The following KCNQ1OT1 variants were observed in gnomAD, a reference collection of about 807,000 sequenced individuals.
KCNQ1OT1 encodes KCNQ1 antisense RNA 2 (non-protein coding).
exon 1 of KCNQ1OT1, chr11:2,610,710 G>A (rs1848965329): frequency 1.1e-5 from 4 of 363,762 alleles, no homozygotes; most frequent in Non-Finnish European, 1.4e-5. Flanking sequence ...CAGTATTCTT[G>A]GTTGGCTTTT....
chr11:2,634,334 C>T (rs1423800161), exon 1 of KCNQ1OT1: 24 of 239,958 alleles, frequency 1.0e-4, no homozygotes, highest in Non-Finnish European at 1.6e-4. Context: ...CCCTCCCCCC[C>T]CACCCCACAA....
Position 2,620,216 on chromosome 11 carries a change from T to A in KCNQ1OT1, n.79779A>T, listed in dbSNP as rs1395464484. 174 of 277,798 alleles carry A rather than the reference T, an allele frequency of 6.3e-4. No individual in the cohort carries two copies. The highest frequency in any genetic ancestry group is 9.3e-4 in the Non-Finnish European group (146 of 156,156). The allele number at this position is 277,798 out of a possible 1,614,324, so 17.2% of individuals were successfully genotyped here. A position where few individuals can be genotyped will look rare whatever the true frequency, so the allele number is the denominator to read the frequency against. ...TCATTCATGTATATATATATATTTTTTTTTTTTATTTTTTTTTTAGACGGA... is the reference window on the plus strand; with the variant it reads ...TCATTCATGTATATATATATATTTTATTTTTTTATTTTTTTTTTAGACGGA... On this transcript the variant is annotated non_coding_transcript_exon_variant, in exon 1 of 1. Coordinates refer to ENST00000597346, the Ensembl canonical transcript of KCNQ1OT1. This position sits in a 1 kb window ranked among gnomAD's most constrained non-coding sequence, Gnocchi z 4.5.
rs1435681898 is a variant in KCNQ1OT1, at chr11:2,683,935, A to G, written n.16060T>C. The G allele has an allele frequency of 1.3e-5, 5 of 396,456 alleles. No homozygotes were observed. The highest frequency in any genetic ancestry group is 2.2e-5 in the Non-Finnish European group (5 of 225,818). The allele number at this position is 396,456 out of a possible 1,614,324, so 24.6% of individuals were successfully genotyped here. On this transcript the variant is annotated non_coding_transcript_exon_variant, in exon 1 of 1. Coordinates refer to ENST00000597346, the Ensembl canonical transcript of KCNQ1OT1. This position sits in a 1 kb window ranked among gnomAD's most constrained non-coding sequence, Gnocchi z 4.7. ...ATGCTCTGTGACACGTTTCATAGTC[A>G]GACAAAACCAGCTGACTGCTTTTAC...
At position 2,664,745 on chromosome 11, in the gene KCNQ1OT1, G is replaced by A. The variant is rs190288910; in HGVS notation, n.35250C>T. On this transcript the variant is annotated non_coding_transcript_exon_variant, in exon 1 of 1. Coordinates refer to ENST00000597346, the Ensembl canonical transcript of KCNQ1OT1. This position sits in a 1 kb window ranked among gnomAD's most constrained non-coding sequence, Gnocchi z 5.1. ...CCTGGTGTGTGTGAGGGACAGGGAT[G>A]TGTGCTGGGGTCTCACAGGGGGCAG... 1.5e-5 allele frequency: 6 copies of A among 398,764 alleles called. No homozygotes were observed. Among genetic ancestry groups the A allele is most frequent in the Non-Finnish European group, 2.2e-5 (5 of 226,150 alleles). 24.7% of individuals were successfully genotyped at this position (398,764 alleles called of 1,614,324 possible). A position where few individuals can be genotyped will look rare whatever the true frequency, so the allele number is the denominator to read the frequency against.
chr11:2,625,661 T>G (rs1009849776), exon 1 of KCNQ1OT1: 1 of 397,172 alleles, frequency 2.5e-6, no homozygotes, highest in Non-Finnish European at 4.4e-6. Context: ...CTGCAACCTC[T>G]GCCTCCTGGG....
Position 2,661,454 on chromosome 11 carries a change from G to A in KCNQ1OT1, n.38541C>T, listed in dbSNP as rs1849954991. On this transcript the variant is annotated non_coding_transcript_exon_variant, in exon 1 of 1. Coordinates refer to ENST00000597346, the Ensembl canonical transcript of KCNQ1OT1. This position sits in a 1 kb window ranked among gnomAD's most constrained non-coding sequence, Gnocchi z 5.9. ...GGTTGATGTAGCATCGTGTTTTGAG[G>A]AAGGAGTTCTGTGGCTGCCCCCACC... 3 of 438,830 alleles carry A rather than the reference G, an allele frequency of 6.8e-6. No individual in the cohort carries two copies. Among genetic ancestry groups the A allele is most frequent in the Non-Finnish European group, 1.2e-5 (3 of 249,788 alleles). 27.2% of individuals were successfully genotyped at this position (438,830 alleles called of 1,614,324 possible).
At position 2,643,277 on chromosome 11, in the gene KCNQ1OT1, A is replaced by G. The variant is rs951443365; in HGVS notation, n.56718T>C. The G allele has an allele frequency of 3.0e-5, 12 of 398,206 alleles. No individual in the cohort carries two copies. The Admixed American group carries it at 4.8e-4, about 16-fold the overall frequency. 24.7% of individuals were successfully genotyped at this position (398,206 alleles called of 1,614,324 possible). ...ATGGAGAATTGAAGTTCCCAAGATT[A>G]TTGTGTTGAAGTCTACCTTTCCCTT... On this transcript the variant is annotated non_coding_transcript_exon_variant, in exon 1 of 1. Coordinates refer to ENST00000597346, the Ensembl canonical transcript of KCNQ1OT1.
chr11:2,647,898 TATTG>T lies in KCNQ1OT1; in HGVS notation n.52093_52096del. On this transcript the variant is annotated non_coding_transcript_exon_variant, in exon 1 of 1. Transcript: ENST00000597346. This position sits in a 1 kb window ranked among gnomAD's most constrained non-coding sequence, Gnocchi z 4.0. The stretch of plus-strand genomic sequence containing the variant: ...TTCTTGGTTAGTCTAGCTAATGGTT[TATTG>T]ATTTTCTCTTTTCAAAAAATCAGTT... The T allele has an allele frequency of 2.5e-6, 1 of 398,488 alleles. No individual in the cohort carries two copies. Among genetic ancestry groups the T allele is most frequent in the Non-Finnish European group, 4.4e-6 (1 of 226,046 alleles). 24.7% of individuals were successfully genotyped at this position (398,488 alleles called of 1,614,324 possible).
chr11:2,688,290 A>G, exon 1 of KCNQ1OT1: 2 of 398,748 alleles, frequency 5.0e-6, no homozygotes. Context: ...GACAAGGAAA[A>G]TGAAGACTCT....
At chr11:2,610,376 G>A in exon 1 of KCNQ1OT1, 1 of 398,170 alleles carries the variant, frequency 2.5e-6, no homozygotes, top group Non-Finnish European at 4.4e-6. Flanking sequence ...TATCTTTAAA[G>A]AAGCTGAAAG....
chr11:2,639,025 A>C (rs917736687), exon 1 of KCNQ1OT1: 2 of 152,200 alleles, frequency 1.3e-5, no homozygotes, highest in East Asian at 1.9e-4. Flanking sequence ...AAGCTTGTGC[A>C]TTTGTCACGT....
In KCNQ1OT1 at chr11:2,627,864, C is replaced by G; in HGVS notation, n.72131G>C. The G allele has an allele frequency of 2.5e-6, 1 of 398,788 alleles. No homozygotes were observed. Among genetic ancestry groups the G allele is most frequent in the Non-Finnish European group, 4.4e-6 (1 of 226,276 alleles). The allele number at this position is 398,788 out of a possible 1,614,324, so 24.7% of individuals were successfully genotyped here. ...CTCATGGGCTCAAGTGATCCTCCTG[C>G]CTCAGCCTCCTGAGTAGCTGGGACC... On this transcript the variant is annotated non_coding_transcript_exon_variant, in exon 1 of 1. Coordinates refer to ENST00000597346, the Ensembl canonical transcript of KCNQ1OT1. This position sits in a 1 kb window ranked among gnomAD's most constrained non-coding sequence, Gnocchi z 4.9.
exon 1 of KCNQ1OT1, chr11:2,662,106 G>A (rs200969333): frequency 8.1e-6 from 13 of 1,614,018 alleles, no homozygotes; most frequent in Non-Finnish European, 1.1e-5. Context: ...GTGCGTGAAG[G>A]GCTGGGCTGG....
exon 1 of KCNQ1OT1, chr11:2,630,604 T>C: frequency 2.5e-6 from 1 of 398,382 alleles, no homozygotes; most frequent in Non-Finnish European, 4.4e-6. Context: ...ATACTAGAGT[T>C]ATGTGATTTA....
Position 2,691,184 on chromosome 11 carries a change from A to G in KCNQ1OT1, n.8811T>C. The G allele has an allele frequency of 2.5e-6, 1 of 398,636 alleles. No individual in the cohort carries two copies. The highest frequency in any genetic ancestry group is 4.4e-6 in the Non-Finnish European group (1 of 226,096). 24.7% of individuals were successfully genotyped at this position (398,636 alleles called of 1,614,324 possible). On this transcript the variant is annotated non_coding_transcript_exon_variant, in exon 1 of 1. Coordinates refer to ENST00000597346, the Ensembl canonical transcript of KCNQ1OT1. The surrounding 1 kb of genome is among the most constrained non-coding windows in gnomAD (Gnocchi z 6.4). Reference sequence around the variant, plus strand: ...TCACAGCCTTGGGAGGGGTGCTCAGAGCTCAGCTGTGTTTAAAAATTAGCA... The same window carrying G: ...TCACAGCCTTGGGAGGGGTGCTCAGGGCTCAGCTGTGTTTAAAAATTAGCA...
rs1849669326 is a variant in KCNQ1OT1, at chr11:2,646,564, T to C, written n.53431A>G. ...GAGTGCAGACAGGGTCTCACTCTGT[T>C]GCCCAGGCTGGGGTGCAATGGTGCA... On this transcript the variant is annotated non_coding_transcript_exon_variant, in exon 1 of 1. Coordinates refer to ENST00000597346, the Ensembl canonical transcript of KCNQ1OT1. The C allele has an allele frequency of 1.0e-5, 4 of 398,540 alleles. No individual in the cohort carries two copies. In the South Asian group the frequency reaches 3.8e-4, roughly 38 times the overall value. 24.7% of individuals were successfully genotyped at this position (398,540 alleles called of 1,614,324 possible). A position where few individuals can be genotyped will look rare whatever the true frequency, so the allele number is the denominator to read the frequency against.
chr11:2,622,288 T>C, exon 1 of KCNQ1OT1: 1 of 398,370 alleles, frequency 2.5e-6, no homozygotes, highest in Non-Finnish European at 4.4e-6. Context: ...TTCCATTTTC[T>C]CAGTATGTAA....
Position 2,682,880 on chromosome 11 carries a change from T to G in KCNQ1OT1, n.17115A>C, listed in dbSNP as rs541399111. The G allele has an allele frequency of 2.5e-6, 1 of 398,516 alleles. No homozygotes were observed. Among genetic ancestry groups the G allele is most frequent in the African/African-American group, 2.1e-5 (1 of 48,632 alleles). The allele number at this position is 398,516 out of a possible 1,614,324, so 24.7% of individuals were successfully genotyped here. On this transcript the variant is annotated non_coding_transcript_exon_variant, in exon 1 of 1. Coordinates refer to ENST00000597346, the Ensembl canonical transcript of KCNQ1OT1. This position sits in a 1 kb window ranked among gnomAD's most constrained non-coding sequence, Gnocchi z 5.8. ...AGACCAGGAAACTGAGGCTTGGGGA[T>G]AGCAGATGTTCCCAGACAGAAAATG...
chr11:2,679,329 C>G lies in KCNQ1OT1; in HGVS notation n.20666G>C. 2.5e-6 allele frequency: 1 copy of G among 398,624 alleles called. No homozygotes were observed. Among genetic ancestry groups the G allele is most frequent in the Non-Finnish European group, 4.4e-6 (1 of 226,062 alleles). 24.7% of individuals were successfully genotyped at this position (398,624 alleles called of 1,614,324 possible). On this transcript the variant is annotated non_coding_transcript_exon_variant, in exon 1 of 1. Coordinates refer to ENST00000597346, the Ensembl canonical transcript of KCNQ1OT1. The surrounding 1 kb of genome is among the most constrained non-coding windows in gnomAD (Gnocchi z 4.8). Reference sequence around the variant, plus strand: ...AGGGTCTGGAGTCTGAACTCATATCCTAATTCCACTACTTTCTACCTGCTA... The same window carrying G: ...AGGGTCTGGAGTCTGAACTCATATCGTAATTCCACTACTTTCTACCTGCTA...
Sources: gnomAD v4.1 joint callset for allele counts on GRCh38, gnomAD v4.1.1 for gene constraint, Gnocchi (gnomAD v3.1) non-coding constraint, MANE v1.5 for transcripts, NCBI Gene and HGNC (gene_info 2026-07-23, HGNC 2026-07-21) for gene names.